Variants in LPP observed in about 807,000 individuals in gnomAD.
The protein encoded by LPP is lipoma-preferred partner.
LPP carries 38 observed loss-of-function variants against 60.4 expected under a neutral mutation model. The ratio of observed to expected loss-of-function variants is 0.63; its 90% CI spans 0.49 to 0.83. LPP has a LOEUF of 0.83. Among genes scored for constraint, LPP ranks in the 40% least tolerant of loss-of-function variants. The probability of loss-of-function intolerance (pLI) is 0.00; values close to 1 mark genes in which losing one functional copy is unlikely to be tolerated. For synonymous variants in LPP, 328 were observed against 290.8 expected (o/e 1.13, Z -1.30); for missense variants, 902 against 783.6 (o/e 1.15, Z -1.80).
At chr3:188,204,700 C>T (rs1732668760) in intron 1 of LPP, among the ~76,000 whole-genome samples, 1 of 152,130 alleles carries the variant, frequency 6.6e-6, no homozygotes, top group Non-Finnish European at 1.5e-5. Flanking sequence ...TCTCTGGCCG[C>T]TTGGCTGGTT....
chr3:188,328,806 C>G (rs767917451), intron 2 of LPP, among the ~76,000 whole-genome samples: 27 of 152,158 alleles, frequency 1.8e-4, no homozygotes, highest in Non-Finnish European at 3.7e-4. Flanking sequence ...AATATGTCTA[C>G]TTTTTGATTA....
intron 4 of LPP, among the ~76,000 whole-genome samples, chr3:188,471,462 T>C (rs1801820433): frequency 6.6e-6 from 1 of 152,206 alleles, no homozygotes. Context: ...GTAAATGAAT[T>C]AGAAAAATTT....
At chr3:188,287,726 T>C (rs1230315627) in intron 2 of LPP, among the ~76,000 whole-genome samples, 3 of 152,172 alleles carry the variant, frequency 2.0e-5, no homozygotes, top group East Asian at 1.9e-4. Context: ...AGAAGCTAAG[T>C]AAAGGCAAGG....
chr3:188,715,969 C>T (rs906527219), intron 8 of LPP, among the ~76,000 whole-genome samples: 7 of 152,148 alleles, frequency 4.6e-5, no homozygotes, highest in Admixed American at 4.6e-4. Context: ...ATTATCTTGA[C>T]ATTGTTTATA....
Position 188,771,584 on chromosome 3 carries a change from G to GAA in LPP, c.1410+11302_1410+11303insAA, listed in dbSNP as rs61529172. Among the ~76,000 whole-genome samples, 13 of 139,826 alleles carry GAA rather than the reference G, an allele frequency of 9.3e-5. No individual in the cohort carries two copies. The East Asian group carries it at 9.9e-4, about 11-fold the overall frequency. 91.7% of individuals were successfully genotyped at this position (139,826 alleles called of 152,430 possible). On this transcript the variant is annotated intron_variant, in intron 9 of 11. Transcript: ENST00000617246. ...AAAAAAAAGAAAGAAAGAAAGAAAG[G>GAA]GAGAAAGAAAGAAAGAAAGAGGCAC...
At chr3:188,709,401 G>A (rs1866150561) in intron 8 of LPP, 3 of 152,032 alleles carry the variant, frequency 2.0e-5, no homozygotes, top group Admixed American at 2.0e-4. Context: ...CTGTCACCCA[G>A]GCTAGAGTAT....
chr3:188,859,219 G>A (rs934668222), intron 9 of LPP, among the ~76,000 whole-genome samples: 6 of 151,814 alleles, frequency 4.0e-5, no homozygotes, highest in African/African-American at 1.5e-4. Flanking sequence ...TTCAGTGCAG[G>A]CTTATCTGCG....
At chr3:188,484,821 C>A (rs1241018457) in intron 5 of LPP, 117 bp downstream of exon 5, 3 of 763,346 alleles carry the variant, frequency 3.9e-6, no homozygotes, top group African/African-American at 3.4e-5. Flanking sequence ...AAACATTTAT[C>A]CAGAGCCTAT....
intron 4 of LPP, among the ~76,000 whole-genome samples, chr3:188,413,006 G>A (rs925004016): frequency 6.6e-6 from 1 of 152,114 alleles, no homozygotes; most frequent in African/African-American, 2.4e-5. Flanking sequence ...TGGGAACCAG[G>A]CAAGTTTGGA....
intron 1 of LPP, among the ~76,000 whole-genome samples, chr3:188,170,261 TG>T (rs1286182218): frequency 6.6e-6 from 1 of 152,196 alleles, no homozygotes; most frequent in African/African-American, 2.4e-5. Flanking sequence ...ATGCTTTGTT[TG>T]GGGCAGAGCC....
At chr3:188,788,583 C>T (rs1426303834) in intron 9 of LPP, among the ~76,000 whole-genome samples, 3 of 152,154 alleles carry the variant, frequency 2.0e-5, no homozygotes, top group Non-Finnish European at 2.9e-5. Context: ...TACATTTTCC[C>T]TAAGGGGAGG....
At chr3:188,693,752 C>T (rs1862613346) in intron 7 of LPP, among the ~76,000 whole-genome samples, 1 of 152,242 alleles carries the variant, frequency 6.6e-6, no homozygotes, top group South Asian at 2.1e-4. Flanking sequence ...TAGCAACTTC[C>T]ATCTTGGGAT....
At chr3:188,669,459 C>G (rs1323990185) in intron 7 of LPP, among the ~76,000 whole-genome samples, 1 of 152,034 alleles carries the variant, frequency 6.6e-6, no homozygotes, top group Non-Finnish European at 1.5e-5. Flanking sequence ...ACCTGTAGTC[C>G]GAGCTACTCG....
At chr3:188,355,319 C>T (rs1767282773) in intron 3 of LPP, among the ~76,000 whole-genome samples, 1 of 152,098 alleles carries the variant, frequency 6.6e-6, no homozygotes, top group Non-Finnish European at 1.5e-5. Context: ...AAAGAAGAGA[C>T]ATTTTATGTA....
intron 9 of LPP, among the ~76,000 whole-genome samples, chr3:188,793,662 C>G (rs1471002041): frequency 6.6e-6 from 1 of 152,076 alleles, no homozygotes; most frequent in Non-Finnish European, 1.5e-5. Context: ...TGGAAGCTGT[C>G]TTCTCTCTGT....
At chr3:188,871,029 G>A (rs898847640) in intron 10 of LPP, among the ~76,000 whole-genome samples, 4 of 152,010 alleles carry the variant, frequency 2.6e-5, no homozygotes, top group Admixed American at 1.3e-4. Context: ...CAGAGATGGA[G>A]CAAAGTCCTA....
In LPP at chr3:188,352,288, G is replaced by A. The variant is rs960185224; in HGVS notation, c.-10+10569G>A. Among the ~76,000 whole-genome samples, 1 of 152,236 alleles carries A rather than the reference G, an allele frequency of 6.6e-6. No homozygotes were observed. Among genetic ancestry groups the A allele is most frequent in the South Asian group, 2.1e-4 (1 of 4,834 alleles). On this transcript the variant is annotated intron_variant, in intron 3 of 11. Transcript: ENST00000617246. This position sits in a 1 kb window ranked among gnomAD's most constrained non-coding sequence, Gnocchi z 4.4. ...ATTAACGAGGTTTGATTGCTGTTCT[G>A]AAATGTGGCAGCTGCGCACACGTAT...
At chr3:188,426,790 T>C (rs1789487785) in intron 4 of LPP, among the ~76,000 whole-genome samples, 1 of 152,214 alleles carries the variant, frequency 6.6e-6, no homozygotes, top group Non-Finnish European at 1.5e-5. Context: ...TTTTTTTTGC[T>C]TTCCGTTTGC....
At chr3:188,683,650 C>T (rs1277124284) in intron 7 of LPP, among the ~76,000 whole-genome samples, 1 of 151,868 alleles carries the variant, frequency 6.6e-6, no homozygotes, top group African/African-American at 2.4e-5. Context: ...GCACAGGGCC[C>T]CAAATGAAGG....
Sources: allele counts gnomAD v4.1 joint callset (sites outside exome capture counted in the v4.1 genomes callset), GRCh38; gene constraint gnomAD v4.1.1; non-coding constraint Gnocchi (gnomAD v3.1); transcripts MANE v1.5; gene names NCBI Gene and HGNC (gene_info 2026-07-23, HGNC 2026-07-21).